CCSER1: variants seen among roughly 807,000 people sequenced by gnomAD.
CCSER1 encodes the protein serine-rich coiled-coil domain-containing protein 1.
Under a neutral mutation model 82.0 loss-of-function variants are expected in CCSER1, and 41 were observed. The observed-to-expected ratio is 0.50, with a 90% CI of 0.39 to 0.65. CCSER1 has a LOEUF of 0.65. Among genes scored for constraint, CCSER1 ranks in the 30% least tolerant of loss-of-function variants. CCSER1 has a pLI of 0.00. For synonymous variants in CCSER1, 414 were observed against 383.9 expected (o/e 1.08, Z -0.92); for missense variants, 1,119 against 1,064.2 (o/e 1.05, Z -0.72).
intron 8 of CCSER1, among the ~76,000 whole-genome samples, chr4:90,920,926 A>G (rs904419962): frequency 6.6e-6 from 1 of 151,844 alleles, no homozygotes; most frequent in African/African-American, 2.4e-5. Flanking sequence ...GACTTTAATC[A>G]TTATATCAAA....
chr4:90,670,247 G>A (rs958692022), intron 6 of CCSER1, among the ~76,000 whole-genome samples: 29 of 152,164 alleles, frequency 1.9e-4, no homozygotes, highest in Admixed American at 1.0e-3. Context: ...TCACTCATAC[G>A]TTGTATCTCA....
At chr4:91,123,969 CATT>C (rs1223157978) in intron 10 of CCSER1, among the ~76,000 whole-genome samples, 1 of 151,568 alleles carries the variant, frequency 6.6e-6, no homozygotes, top group Non-Finnish European at 1.5e-5. Context: ...AATTATATGT[CATT>C]ATTAAGAGCT....
At chr4:90,380,647 T>C (rs975621750) in intron 3 of CCSER1, among the ~76,000 whole-genome samples, 1 of 152,222 alleles carries the variant, frequency 6.6e-6, no homozygotes, top group African/African-American at 2.4e-5. Context: ...TCTGAAAATA[T>C]TTCAACTATT....
intron 10 of CCSER1, among the ~76,000 whole-genome samples, chr4:91,525,938 A>G (rs1760743712): frequency 6.6e-6 from 1 of 152,178 alleles, no homozygotes. Flanking sequence ...ATGTCTCATT[A>G]TACTTCTCTG....
chr4:91,357,633 C>T (rs1461853016), intron 10 of CCSER1, among the ~76,000 whole-genome samples: 2 of 151,796 alleles, frequency 1.3e-5, no homozygotes, highest in Admixed American at 6.6e-5. Flanking sequence ...TTTTCTTATA[C>T]ACTTCGCACA....
At chr4:91,169,924 C>T (rs1445160663) in intron 10 of CCSER1, among the ~76,000 whole-genome samples, 1 of 152,182 alleles carries the variant, frequency 6.6e-6, no homozygotes, top group African/African-American at 2.4e-5. Context: ...TCTAGGCCTA[C>T]TTTCAATTAG....
chr4:90,648,289 GA>G (rs1553969708), intron 6 of CCSER1, among the ~76,000 whole-genome samples: 1 of 90,626 alleles, frequency 1.1e-5, no homozygotes, highest in Non-Finnish European at 2.3e-5. Flanking sequence ...AGAAAGGAAA[GA>G]AAGAAAGAAA....
chr4:91,488,479 G>A (rs986120003), intron 10 of CCSER1, among the ~76,000 whole-genome samples: 3 of 152,116 alleles, frequency 2.0e-5, no homozygotes, highest in Non-Finnish European at 2.9e-5. Context: ...ATCTCACATC[G>A]AATTTTAATC....
In CCSER1 at chr4:90,266,422, A is replaced by ATTT. The variant is rs397968126; in HGVS notation, c.-41-41812_-41-41810dup. On this transcript the variant is annotated intron_variant, in intron 1 of 10. Transcript: ENST00000509176. ...AGTCCAGAGCATATTAAAATTGGGA[A>ATTT]TTTTTTTTTTTTGTGGAGCAAGATG... Among the ~76,000 whole-genome samples the ATTT allele has an allele frequency of 2.0e-3, 294 of 148,508 alleles. 2 individuals carry two copies. The highest frequency in any genetic ancestry group is 6.9e-3 in the African/African-American group (284 of 40,948).
intron 10 of CCSER1, among the ~76,000 whole-genome samples, chr4:91,401,404 C>CT (rs536722404): frequency 6.1e-5 from 9 of 148,038 alleles, no homozygotes; most frequent in South Asian, 2.1e-4. Flanking sequence ...TATATATATA[C>CT]TTTTTTTATT....
At chr4:90,980,589 G>C (rs1381782606) in intron 9 of CCSER1, among the ~76,000 whole-genome samples, 1 of 151,780 alleles carries the variant, frequency 6.6e-6, no homozygotes, top group Non-Finnish European at 1.5e-5. Context: ...TGCAGTATTG[G>C]GTTGTTGTAA....
chr4:91,599,779 G>T lies in CCSER1; in HGVS notation c.*722G>T, dbSNP rs1258285634. 2 of 152,054 alleles carry T rather than the reference G, an allele frequency of 1.3e-5. No homozygotes were observed. The highest frequency in any genetic ancestry group is 6.6e-5 in the Admixed American group (1 of 15,248). The allele number at this position is 152,054 out of a possible 1,614,324, so 9.4% of individuals were successfully genotyped here. ...AATTTTGCTTTTAGTTTTTGTTATTGATGTTGAAGTACCGTGACATAACAC... is the reference window on the plus strand; with the variant it reads ...AATTTTGCTTTTAGTTTTTGTTATTTATGTTGAAGTACCGTGACATAACAC... On this transcript the variant is annotated 3_prime_UTR_variant, in exon 11 of 11. Coordinates refer to ENST00000509176, the MANE Select transcript of CCSER1 (RefSeq NM_001145065.2).
At chr4:91,420,351 C>T (rs946284048) in intron 10 of CCSER1, among the ~76,000 whole-genome samples, 8 of 151,996 alleles carry the variant, frequency 5.3e-5, no homozygotes, top group African/African-American at 1.9e-4. Flanking sequence ...GAAAAGAAAA[C>T]AAATTACCTT....
In CCSER1 at chr4:91,296,360, A is replaced by G. The variant is rs187204687; in HGVS notation, c.2217+210366A>G. ...CAAATCACTTTGGGGAATCCCATAT[A>G]CTATAATTTTTCCCTCCTAGAGACT... On this transcript the variant is annotated intron_variant, in intron 10 of 10. Transcript: ENST00000509176. 1.2e-4 allele frequency among the ~76,000 whole-genome samples: 18 copies of G among 150,488 alleles called. No individual in the cohort carries two copies. The East Asian group carries it at 2.9e-3, about 25-fold the overall frequency.
intron 9 of CCSER1, among the ~76,000 whole-genome samples, chr4:91,068,654 T>C (rs1581468637): frequency 6.6e-6 from 1 of 152,164 alleles, no homozygotes; most frequent in African/African-American, 2.4e-5. Flanking sequence ...TAATAATTAT[T>C]AAAAATGTAA....
At chr4:90,770,162 G>T (rs7693519) in intron 7 of CCSER1, among the ~76,000 whole-genome samples, 46,633 of 151,874 alleles carry the variant, frequency 0.31, 7,643 homozygotes, top group Non-Finnish European at 0.36. Flanking sequence ...AGTTCCAGTG[G>T]ATCTGTAGCT....
intron 7 of CCSER1, among the ~76,000 whole-genome samples, chr4:90,811,980 A>G (rs888122849): frequency 7.1e-6 from 1 of 141,454 alleles, no homozygotes; most frequent in Non-Finnish European, 1.5e-5. Flanking sequence ...ATATATATAT[A>G]TATATATATA....
intron 6 of CCSER1, among the ~76,000 whole-genome samples, chr4:90,706,668 C>G (rs937460614): frequency 6.6e-6 from 1 of 152,012 alleles, no homozygotes; most frequent in Non-Finnish European, 1.5e-5. Flanking sequence ...TGAAGTAAAC[C>G]GTTGATTATC....
chr4:90,276,956 C>G (rs1393839759), intron 1 of CCSER1, among the ~76,000 whole-genome samples: 1 of 151,998 alleles, frequency 6.6e-6, no homozygotes, highest in African/African-American at 2.4e-5. Flanking sequence ...GGTTTTGCAT[C>G]CTGAAACATT....
Sources: gnomAD v4.1 joint callset for allele counts (sites outside exome capture counted in the v4.1 genomes callset) on GRCh38, gnomAD v4.1.1 for gene constraint, MANE v1.5 for transcripts, NCBI Gene and HGNC (gene_info 2026-07-23, HGNC 2026-07-21) for gene names.